The following ZNF81 variants were observed in gnomAD, a reference collection of about 807,000 sequenced individuals.
ZNF81 encodes zinc finger protein 81.
In ZNF81, 5 loss-of-function variants were observed where a neutral mutation model predicts 32.3. The ratio of observed to expected loss-of-function variants is 0.15; its 90% CI spans 0.08 to 0.33. The LOEUF (loss-of-function observed/expected upper bound fraction) is 0.33. ZNF81 is among the 10% of genes least tolerant of loss of function. ZNF81 has a pLI of 1.00. For missense variants in ZNF81, 379 were observed against 479.8 expected (o/e 0.79, Z 1.96); for synonymous variants, 163 against 166.8 (o/e 0.98, Z 0.17).
chrX:47,863,192 C>T (rs944293480), intron 2 of ZNF81, among the ~76,000 whole-genome samples: 35 of 111,322 alleles, frequency 3.1e-4, no homozygotes, highest in African/African-American at 1.1e-3. Context: ...TTTCAGAGTT[C>T]TGGTGGAATT....
chrX:47,866,476 A>G lies in ZNF81; in HGVS notation c.54+20155A>G, dbSNP rs140922872. Among the ~76,000 whole-genome samples, 86 of 112,320 alleles carry G rather than the reference A, an allele frequency of 7.7e-4. No individual in the cohort carries two copies. The East Asian group carries it at 0.019, about 24-fold the overall frequency. ...GTAGCCGGGCGGATTCATGTTCTCA[A>G]GATAAATAACTTGTCTCATGTAAGA... On this transcript the variant is annotated intron_variant, in intron 2 of 4. Coordinates refer to ENST00000338637, the MANE Select transcript of ZNF81 (RefSeq NM_007137.5).
At chrX:47,864,268 C>T (rs782582232) in intron 2 of ZNF81, among the ~76,000 whole-genome samples, 2 of 111,494 alleles carry the variant, frequency 1.8e-5, no homozygotes, top group East Asian at 2.8e-4. Flanking sequence ...GGAAGTCTGT[C>T]GAATACCTTG....
intron 4 of ZNF81, among the ~76,000 whole-genome samples, chrX:47,897,199 A>G (rs1556887349): frequency 8.9e-6 from 1 of 112,654 alleles, no homozygotes; most frequent in African/African-American, 3.2e-5. Flanking sequence ...GCAGCAATAC[A>G]TAAGGATTCC....
intron 4 of ZNF81, among the ~76,000 whole-genome samples, chrX:47,898,350 C>A (rs781899328): frequency 7.2e-5 from 8 of 111,013 alleles, no homozygotes; most frequent in South Asian, 3.9e-4. Context: ...AATTAGCTAT[C>A]ACTGGGAGTG....
rs1046617696 is a variant in ZNF81, at chrX:47,920,950, A to G, written c.*4318A>G. 8.1e-5 allele frequency: 9 copies of G among 111,298 alleles called. No individual in the cohort carries two copies. Among genetic ancestry groups the G allele is most frequent in the Non-Finnish European group, 1.5e-4 (8 of 53,081 alleles). The allele number at this position is 111,298 out of a possible 1,213,427, so 9.2% of individuals were successfully genotyped here. On this transcript the variant is annotated 3_prime_UTR_variant, in exon 5 of 5. Coordinates refer to ENST00000338637, the MANE Select transcript of ZNF81 (RefSeq NM_007137.5). ...CCAGGAGAGGCACTTGTCTTTTATT[A>G]TATTTCAAGCTAGTTGGTTGCTCTG...
At chrX:47,897,932 A>G (rs141905820) in intron 4 of ZNF81, among the ~76,000 whole-genome samples, 2,701 of 111,866 alleles carry the variant, frequency 0.024, 86 homozygotes, top group African/African-American at 0.084. Context: ...GACAACTGCC[A>G]TTGGAAAGAC....
intron 2 of ZNF81, among the ~76,000 whole-genome samples, chrX:47,855,131 A>G (rs2058511173): frequency 9.6e-6 from 1 of 103,996 alleles, no homozygotes; most frequent in Non-Finnish European, 2.0e-5. Context: ...TTAAAGTATA[A>G]TAAAAAAAAT....
intron 2 of ZNF81, among the ~76,000 whole-genome samples, chrX:47,854,039 A>G (rs2058506161): frequency 8.9e-6 from 1 of 112,869 alleles, no homozygotes; most frequent in African/African-American, 3.2e-5. Context: ...TAGTGTAGCC[A>G]TCTTCATCAA....
chrX:47,919,376 A>T lies in ZNF81; in HGVS notation c.*2744A>T. ...CTGAACCCATTGAAGGCATTCTTCA[A>T]CTCAGTTATGTTTTATTTTTATTTG... On this transcript the variant is annotated 3_prime_UTR_variant, in exon 5 of 5. Transcript: ENST00000338637. 3 of 182,089 alleles carry T rather than the reference A, an allele frequency of 1.6e-5. No individual in the cohort carries two copies. The highest frequency in any genetic ancestry group is 3.2e-5 in the Non-Finnish European group (3 of 94,546). 15.0% of individuals were successfully genotyped at this position (182,089 alleles called of 1,213,427 possible). A position where few individuals can be genotyped will look rare whatever the true frequency, so the allele number is the denominator to read the frequency against.
intron 2 of ZNF81, among the ~76,000 whole-genome samples, chrX:47,884,416 T>C (rs1327073319): frequency 9.1e-6 from 1 of 109,639 alleles, no homozygotes; most frequent in Non-Finnish European, 1.9e-5. Context: ...ACATGGGTCC[T>C]CTCACTCAGG....
At chrX:47,873,502 C>T (rs1556884143) in intron 2 of ZNF81, among the ~76,000 whole-genome samples, 2 of 111,806 alleles carry the variant, frequency 1.8e-5, no homozygotes, top group Non-Finnish European at 3.8e-5. Flanking sequence ...GCAATTTCTG[C>T]ATCCTCTGGG....
intron 2 of ZNF81, among the ~76,000 whole-genome samples, chrX:47,850,219 A>G (rs782419969): frequency 1.8e-5 from 2 of 110,276 alleles, no homozygotes; most frequent in African/African-American, 3.3e-5. Flanking sequence ...ATGACCATCA[A>G]TAATAGAGTG....
chrX:47,843,821 G>A (rs2058460633), intron 1 of ZNF81, among the ~76,000 whole-genome samples: 1 of 111,873 alleles, frequency 8.9e-6, no homozygotes, highest in Non-Finnish European at 1.9e-5. Context: ...CACTGCGCCT[G>A]GCTACATTGG....
At chrX:47,888,256 C>T (rs2058650104) in intron 3 of ZNF81, 131 bp downstream of exon 3, 3 of 907,926 alleles carry the variant, frequency 3.3e-6, no homozygotes, top group Non-Finnish European at 4.6e-6. Context: ...AGAGTCTTTA[C>T]AGAAGTAATC....
chrX:47,851,986 A>G (rs2058497416), intron 2 of ZNF81, among the ~76,000 whole-genome samples: 1 of 112,323 alleles, frequency 8.9e-6, no homozygotes, highest in Non-Finnish European at 1.9e-5. Context: ...ATTAGCATAT[A>G]CAGGCATACC....
intron 4 of ZNF81, among the ~76,000 whole-genome samples, chrX:47,901,080 T>A (rs782431219): frequency 7.2e-5 from 8 of 111,141 alleles, no homozygotes; most frequent in African/African-American, 2.3e-4. Flanking sequence ...TTGACCCCCC[T>A]ACAAAATCTG....
chrX:47,865,485 C>T (rs1490577515), intron 2 of ZNF81, among the ~76,000 whole-genome samples: 2 of 111,849 alleles, frequency 1.8e-5, no homozygotes, highest in East Asian at 2.8e-4. Context: ...GTTAGAGATC[C>T]CATTAGGCAA....
At chrX:47,862,605 G>A (rs3848864) in intron 2 of ZNF81, among the ~76,000 whole-genome samples, 47,915 of 110,407 alleles carry the variant, frequency 0.43, 7,833 homozygotes, top group East Asian at 0.62. Context: ...TAAAACTGAG[G>A]GGGCTCCCTA....
chrX:47,904,366 G>T (rs782224995), intron 4 of ZNF81, among the ~76,000 whole-genome samples: 3,235 of 102,720 alleles, frequency 0.031, 147 homozygotes, highest in African/African-American at 0.11. Flanking sequence ...AAATTTACAG[G>T]AAAAAAACAA....
Sources: allele counts gnomAD v4.1 joint callset (sites outside exome capture counted in the v4.1 genomes callset), GRCh38; gene constraint gnomAD v4.1.1; transcripts MANE v1.5; gene names NCBI Gene and HGNC (gene_info 2026-07-23, HGNC 2026-07-21).